Variants in LHX4 observed in about 807,000 individuals in gnomAD.
The protein encoded by LHX4 is LIM homeobox 4, also known as LIM/homeobox protein Lhx4.
A neutral mutation model predicts 39.2 loss-of-function variants in LHX4; 16 were observed. The observed-to-expected ratio is 0.41, with a 90% CI of 0.28 to 0.62. The LOEUF (loss-of-function observed/expected upper bound fraction) is 0.62. Among genes scored for constraint, LHX4 ranks in the 20% least tolerant of loss-of-function variants. LHX4 has a pLI of 0.33. For missense variants in LHX4, 439 were observed against 511.9 expected (o/e 0.86, Z 1.37); for synonymous variants, 206 against 198.1 (o/e 1.04, Z -0.33).
intron 2 of LHX4, among the ~76,000 whole-genome samples, chr1:180,249,006 TAAGA>T (rs764408124): frequency 4.6e-5 from 7 of 152,208 alleles, no homozygotes; most frequent in African/African-American, 7.2e-5. Flanking sequence ...GAAACATGAC[TAAGA>T]AAGAGGCAGT....
In LHX4 at chr1:180,256,765, G is replaced by A. The variant is rs704337; in HGVS notation, c.248+8309G>A. Among the ~76,000 whole-genome samples, 22 of 152,294 alleles carry A rather than the reference G, an allele frequency of 1.4e-4. No homozygotes were observed. In the East Asian group the frequency reaches 1.9e-3, roughly 13 times the overall value. On this transcript the variant is annotated intron_variant, in intron 2 of 5. Transcript: ENST00000263726. ...AGTAAGCACCCCCGATGCGTCTCCC[G>A]CTCGGGGGAGTTTGCTCACAGCTGA...
chr1:180,271,668 CAG>C, intron 4 of LHX4, 134 bp downstream of exon 4: 2 of 1,350,348 alleles, frequency 1.5e-6, no homozygotes, highest in Admixed American at 1.7e-5. Flanking sequence ...GAACTGAAGA[CAG>C]AGTTCTGAGG....
At chr1:180,250,530 C>T (rs529790119) in intron 2 of LHX4, among the ~76,000 whole-genome samples, 8 of 152,278 alleles carry the variant, frequency 5.3e-5, no homozygotes, top group African/African-American at 1.2e-4. Context: ...GCCACGCCTC[C>T]GCTTGCCCGT....
At position 180,244,716 on chromosome 1, in the gene LHX4, C is replaced by T. The variant is rs577693278; in HGVS notation, c.77-3569C>T. On this transcript the variant is annotated intron_variant, in intron 1 of 5. Coordinates refer to ENST00000263726, the MANE Select transcript of LHX4 (RefSeq NM_033343.4). ...GTAGGAATCTGTGGCCCCTTTTGCC[C>T]AGGAGCCAAGGGAGGTGCAAGGAGT... is the stretch of plus-strand genomic sequence containing the variant. Among the ~76,000 whole-genome samples, 285 of 152,332 alleles carry T rather than the reference C, an allele frequency of 1.9e-3. 1 individual carries two copies. Among genetic ancestry groups the T allele is most frequent in the Non-Finnish European group, 3.2e-3 (217 of 68,028 alleles).
intron 1 of LHX4, among the ~76,000 whole-genome samples, chr1:180,241,296 AAG>A (rs1352209346): frequency 1.3e-5 from 2 of 152,350 alleles, no homozygotes; most frequent in African/African-American, 4.8e-5. Context: ...TTGATTAAAA[AAG>A]AGTGTGTGTC....
At chr1:180,246,729 CAAAA>C (rs951640749) in intron 1 of LHX4, among the ~76,000 whole-genome samples, 8 of 151,744 alleles carry the variant, frequency 5.3e-5, no homozygotes, top group Non-Finnish European at 1.0e-4. Context: ...ACAAAACAAA[CAAAA>C]AAAACCCATG....
chr1:180,263,938 A>T (rs1013949830), intron 2 of LHX4, among the ~76,000 whole-genome samples: 2 of 152,134 alleles, frequency 1.3e-5, no homozygotes, highest in African/African-American at 4.8e-5. Flanking sequence ...AGGGTTCGCA[A>T]CAAGCATGAT....
chr1:180,261,800 G>A (rs920449107), intron 2 of LHX4, among the ~76,000 whole-genome samples: 1 of 152,162 alleles, frequency 6.6e-6, no homozygotes, highest in Non-Finnish European at 1.5e-5. Context: ...CGCTCACGCC[G>A]CCAGTCCATT....
Position 180,232,438 on chromosome 1 carries a change from G to A in LHX4, c.76+1833G>A, listed in dbSNP as rs1664204140. 1.3e-5 allele frequency among the ~76,000 whole-genome samples: 2 copies of A among 152,162 alleles called. No homozygotes were observed. Among genetic ancestry groups the A allele is most frequent in the Non-Finnish European group, 2.9e-5 (2 of 68,028 alleles). The stretch of plus-strand genomic sequence containing the variant: ...GGGAGTCGCTTTGCTAAAATGCCCA[G>A]AACTCACCTTCAGAGCTACAGTTTG... On this transcript the variant is annotated intron_variant, in intron 1 of 5. Transcript: ENST00000263726. This position sits in a 1 kb window ranked among gnomAD's most constrained non-coding sequence, Gnocchi z 5.4.
Position 180,234,335 on chromosome 1 carries a change from G to A in LHX4, c.76+3730G>A, listed in dbSNP as rs1326168443. The stretch of plus-strand genomic sequence containing the variant: ...TCTCAGGCAGGAGACAATTTTTACA[G>A]ATGAGGTCAGCTGTCCCCGCCGGCC... On this transcript the variant is annotated intron_variant, in intron 1 of 5. Coordinates refer to ENST00000263726, the MANE Select transcript of LHX4 (RefSeq NM_033343.4). This position sits in a 1 kb window ranked among gnomAD's most constrained non-coding sequence, Gnocchi z 4.8. 6.6e-6 allele frequency among the ~76,000 whole-genome samples: 1 copy of A among 151,804 alleles called. No homozygotes were observed. Among genetic ancestry groups the A allele is most frequent in the Non-Finnish European group, 1.5e-5 (1 of 67,916 alleles).
At chr1:180,243,145 T>C (rs1023395294) in intron 1 of LHX4, among the ~76,000 whole-genome samples, 5 of 152,080 alleles carry the variant, frequency 3.3e-5, no homozygotes, top group African/African-American at 4.8e-5. Flanking sequence ...TGCACCACCA[T>C]GCCTGGCTAA....
chr1:180,261,297 G>C (rs1354731862), intron 2 of LHX4, among the ~76,000 whole-genome samples: 1 of 151,690 alleles, frequency 6.6e-6, no homozygotes, highest in African/African-American at 2.4e-5. Context: ...GTAGAGAAGG[G>C]AGGCAGGCAG....
chr1:180,256,231 G>A (rs1647849481), intron 2 of LHX4, among the ~76,000 whole-genome samples: 1 of 152,058 alleles, frequency 6.6e-6, no homozygotes. Flanking sequence ...TCTTCCCTCC[G>A]CCCATCTGGT....
chr1:180,268,534 G>C (rs1397386410), intron 3 of LHX4, among the ~76,000 whole-genome samples: 1 of 152,210 alleles, frequency 6.6e-6, no homozygotes, highest in Non-Finnish European at 1.5e-5. Context: ...AGATCTCCTG[G>C]CAAGTTGTAG....
At position 180,260,412 on chromosome 1, in the gene LHX4, C is replaced by G. The variant is rs552661811; in HGVS notation, c.249-5980C>G. On this transcript the variant is annotated intron_variant, in intron 2 of 5. Transcript: ENST00000263726. ...GCCTGCTGCCCCCTTTCTACAGGGT[C>G]CAGACCCTCAAGCCTGTCTTGCACT... Among the ~76,000 whole-genome samples, 103 of 151,808 alleles carry G rather than the reference C, an allele frequency of 6.8e-4. 5 individuals are homozygous for G. Among genetic ancestry groups the G allele is most frequent in the African/African-American group, 2.4e-3 (99 of 41,130 alleles).
At chr1:180,272,206 C>G (rs1369360236) in intron 5 of LHX4, among the ~76,000 whole-genome samples, 200 bp downstream of exon 5, 1 of 152,106 alleles carries the variant, frequency 6.6e-6, no homozygotes, top group Non-Finnish European at 1.5e-5. Context: ...AACAAGATTG[C>G]TGAGGTCTGG....
rs1209136298 is a variant in LHX4 at position 180,266,525 on chromosome 1, G to T, written c.382G>T (p.Asp128Tyr). ...IICNRQLATG[D>Y]EFYLMEDGRL... is the part of the protein sequence containing the mutation. ...CTGCAACCGGCAGCTGGCCACGGGG[G>T]ACGAATTCTACCTCATGGAGGACGG... Residue 128 changes from aspartate (D) to tyrosine (Y), a missense_variant, in exon 3 of 6, where the codon GAC becomes TAC. By Grantham distance (160) the Asp-to-Tyr change is radical. Coordinates refer to ENST00000263726, the MANE Select transcript of LHX4 (RefSeq NM_033343.4). This position sits in a 1 kb window ranked among gnomAD's most constrained non-coding sequence, Gnocchi z 5.7. The T allele has an allele frequency of 1.2e-6, 2 of 1,614,214 alleles. No homozygotes were observed. Among genetic ancestry groups the T allele is most frequent in the Admixed American group, 1.7e-5 (1 of 60,028 alleles).
At chr1:180,243,496 C>G (rs1019671383) in intron 1 of LHX4, among the ~76,000 whole-genome samples, 3 of 152,106 alleles carry the variant, frequency 2.0e-5, no homozygotes, top group Non-Finnish European at 2.9e-5. Context: ...AATTAAGAGG[C>G]TTATGTTGTT....
At chr1:180,258,508 G>A (rs1027726426) in intron 2 of LHX4, among the ~76,000 whole-genome samples, 24 of 152,198 alleles carry the variant, frequency 1.6e-4, no homozygotes, top group African/African-American at 5.3e-4. Flanking sequence ...CCACTGTGGC[G>A]ACCATGTGCA....
Sources: allele counts gnomAD v4.1 joint callset (sites outside exome capture counted in the v4.1 genomes callset), GRCh38; gene constraint gnomAD v4.1.1; non-coding constraint Gnocchi (gnomAD v3.1); transcripts MANE v1.5; gene names NCBI Gene and HGNC (gene_info 2026-07-23, HGNC 2026-07-21).